Variants in HERC3 observed in about 807,000 individuals in gnomAD.
The protein encoded by HERC3 is probable E3 ubiquitin-protein ligase HERC3.
HERC3 carries 58 observed loss-of-function variants against 129.9 expected under a neutral mutation model. The observed-to-expected ratio is 0.45, with a 90% CI of 0.36 to 0.56. The LOEUF is 0.56. Ranked by LOEUF, HERC3 falls within the 20% of genes least tolerant of loss-of-function variation. The probability of loss-of-function intolerance (pLI) is 0.00; values close to 1 mark genes in which losing one functional copy is unlikely to be tolerated. For synonymous variants in HERC3, 430 were observed against 451.0 expected (o/e 0.95, Z 0.59); for missense variants, 835 against 1,244.2 (o/e 0.67, Z 4.95).
chr4:88,697,281 C>T (rs1019457883), intron 23 of HERC3: 10 of 1,542,270 alleles, frequency 6.5e-6, no homozygotes, highest in African/African-American at 4.1e-5. Context: ...CTGCCGCAGC[C>T]TCCTCCTCCT....
At chr4:88,578,706 T>C in the HERC3 span, among the ~76,000 whole-genome samples, 1 of 152,250 alleles carries the variant, frequency 6.6e-6, no homozygotes, top group African/African-American at 2.4e-5. Flanking sequence ...ACATGCTAAG[T>C]ATCTTAAATG....
intron 23 of HERC3, 95 bp from the exon 24 acceptor site, chr4:88,704,003 C>G: frequency 8.8e-7 from 1 of 1,139,200 alleles, no homozygotes; most frequent in Non-Finnish European, 1.3e-6. Flanking sequence ...TGATGAAATT[C>G]TATTTTTTAT....
chr4:88,599,514 T>G (rs1722755944), intron 2 of HERC3, among the ~76,000 whole-genome samples: 1 of 152,310 alleles, frequency 6.6e-6, no homozygotes, highest in South Asian at 2.1e-4. Flanking sequence ...CAGTCAGGGA[T>G]GAGGCCATAC....
the HERC3 span, among the ~76,000 whole-genome samples, chr4:88,547,784 T>C: frequency 6.6e-6 from 1 of 152,124 alleles, no homozygotes. Context: ...GCCTCCTGAG[T>C]AGCTGGGACT....
intron 6 of HERC3, 122 bp from the exon 7 acceptor site, chr4:88,653,920 T>C (rs1033775442): frequency 2.3e-5 from 16 of 687,838 alleles, no homozygotes; most frequent in Non-Finnish European, 3.8e-5. Flanking sequence ...CAAGTACAGA[T>C]GCAGGCAGGA....
chr4:88,534,827 T>C, the HERC3 span, among the ~76,000 whole-genome samples: 1 of 152,232 alleles, frequency 6.6e-6, no homozygotes, highest in Admixed American at 6.5e-5. Context: ...AATAGGTGTT[T>C]TACTTTGTGT....
chr4:88,697,285 T>A (rs777410344), intron 23 of HERC3: 2 of 1,603,648 alleles, frequency 1.2e-6, no homozygotes, highest in African/African-American at 2.7e-5. Flanking sequence ...CGCAGCCTCC[T>A]CCTCCTCCTC....
At chr4:88,639,543 A>G (rs1340523373) in intron 3 of HERC3, among the ~76,000 whole-genome samples, 1 of 152,100 alleles carries the variant, frequency 6.6e-6, no homozygotes, top group Non-Finnish European at 1.5e-5. Context: ...TCTACGGTAA[A>G]CCAAAACTGG....
intron 23 of HERC3, chr4:88,693,489 C>G: frequency 1.0e-6 from 1 of 972,874 alleles, no homozygotes. Flanking sequence ...ATAGTCTACA[C>G]AGTATTGATC....
the HERC3 span, among the ~76,000 whole-genome samples, chr4:88,583,203 C>T: frequency 2.6e-5 from 4 of 151,384 alleles, no homozygotes; most frequent in Middle Eastern, 3.2e-3. Flanking sequence ...TTGGGGAGGC[C>T]GAGGTGGGTG....
chr4:88,575,251 C>T, the HERC3 span, among the ~76,000 whole-genome samples: 6 of 152,306 alleles, frequency 3.9e-5, 1 homozygote, highest in African/African-American at 1.2e-4. Context: ...TTTCTTTTCA[C>T]ATAATGATAT....
the HERC3 span, among the ~76,000 whole-genome samples, chr4:88,579,112 G>A: frequency 5.3e-5 from 8 of 152,214 alleles, no homozygotes; most frequent in African/African-American, 1.9e-4. Flanking sequence ...GCTGGGCGCA[G>A]TGGCTCATGC....
At chr4:88,543,801 C>G in the HERC3 span, among the ~76,000 whole-genome samples, 3 of 152,066 alleles carry the variant, frequency 2.0e-5, no homozygotes, top group Non-Finnish European at 4.4e-5. Context: ...ACAAACCTGA[C>G]AAAAACAAGA....
intron 20 of HERC3, 104 bp from the exon 21 acceptor site, chr4:88,681,055 C>T: frequency 1.4e-6 from 2 of 1,468,760 alleles, no homozygotes; most frequent in Non-Finnish European, 1.8e-6. Context: ...ATTAATGAGA[C>T]CTTTATTCTT....
intron 3 of HERC3, among the ~76,000 whole-genome samples, chr4:88,630,367 A>T (rs988636908): frequency 6.6e-6 from 1 of 152,196 alleles, no homozygotes; most frequent in Non-Finnish European, 1.5e-5. Flanking sequence ...GTCATTTAAG[A>T]TATTTTAAAG....
chr4:88,679,573 G>A (rs1278221064), intron 19 of HERC3, among the ~76,000 whole-genome samples: 1 of 149,566 alleles, frequency 6.7e-6, no homozygotes, highest in Non-Finnish European at 1.5e-5. Flanking sequence ...AGGCTGGAGT[G>A]CAGTGGTGCG....
At chr4:88,539,541 C>T in the HERC3 span, among the ~76,000 whole-genome samples, 3 of 152,210 alleles carry the variant, frequency 2.0e-5, no homozygotes, top group Non-Finnish European at 2.9e-5. Context: ...CTTAAACGTC[C>T]CTGTCTGACA....
chr4:88,679,318 T>A (rs916849191), intron 19 of HERC3, among the ~76,000 whole-genome samples: 1 of 152,184 alleles, frequency 6.6e-6, no homozygotes. Flanking sequence ...TACCCTCTTC[T>A]CTTCTACATG....
At chr4:88,569,872 T>C in the HERC3 span, among the ~76,000 whole-genome samples, 2 of 152,180 alleles carry the variant, frequency 1.3e-5, no homozygotes, top group Admixed American at 6.5e-5. Flanking sequence ...TCTAGGAGTA[T>C]GTGGTGAAGT....
Sources: allele counts gnomAD v4.1 joint callset (sites outside exome capture counted in the v4.1 genomes callset), GRCh38; gene constraint gnomAD v4.1.1; transcripts MANE v1.5; gene names NCBI Gene and HGNC (gene_info 2026-07-23, HGNC 2026-07-21).